LRRC4C: variants seen among roughly 807,000 people sequenced by gnomAD.
The protein encoded by LRRC4C is leucine rich repeat containing 4C, also known as leucine-rich repeat-containing protein 4C.
LRRC4C carries 5 observed loss-of-function variants against 33.6 expected under a neutral mutation model. That is an observed-to-expected ratio of 0.15 (90% CI 0.08 to 0.31). LRRC4C has a LOEUF of 0.31. LRRC4C is among the 10% of genes least tolerant of loss of function. The probability of loss-of-function intolerance (pLI) is 1.00; values close to 1 mark genes in which losing one functional copy is unlikely to be tolerated. For synonymous variants in LRRC4C, 329 were observed against 302.0 expected (o/e 1.09, Z -0.93); for missense variants, 560 against 796.7 (o/e 0.70, Z 3.58).
At chr11:40,515,908 T>A (rs529358552) in intron 3 of LRRC4C, among the ~76,000 whole-genome samples, 2 of 152,160 alleles carry the variant, frequency 1.3e-5, no homozygotes, top group East Asian at 3.9e-4. Flanking sequence ...TTTGTTCATG[T>A]GATTGATTAA....
chr11:41,441,980 T>C (rs1955634329), intron 1 of LRRC4C, among the ~76,000 whole-genome samples: 1 of 152,218 alleles, frequency 6.6e-6, no homozygotes, highest in Admixed American at 6.5e-5. Flanking sequence ...TATTTCAGTA[T>C]ATTACTATTC....
chr11:41,227,056 G>A (rs1414827164), intron 1 of LRRC4C, among the ~76,000 whole-genome samples: 1 of 151,858 alleles, frequency 6.6e-6, no homozygotes, highest in Non-Finnish European at 1.5e-5. Flanking sequence ...AACATTTAAA[G>A]ATAATGGGCA....
At chr11:40,486,305 C>T (rs947918598) in intron 3 of LRRC4C, among the ~76,000 whole-genome samples, 1 of 151,744 alleles carries the variant, frequency 6.6e-6, no homozygotes, top group African/African-American at 2.4e-5. Flanking sequence ...GCCTTTAGTC[C>T]AAACTTATAG....
At chr11:40,602,337 T>C (rs1033322928) in intron 3 of LRRC4C, among the ~76,000 whole-genome samples, 2 of 152,176 alleles carry the variant, frequency 1.3e-5, no homozygotes, top group Non-Finnish European at 1.5e-5. Context: ...ATAAACTCAT[T>C]TGAAGTCCTA....
At chr11:41,229,185 C>G (rs551951193) in intron 1 of LRRC4C, among the ~76,000 whole-genome samples, 8 of 152,054 alleles carry the variant, frequency 5.3e-5, no homozygotes, top group African/African-American at 1.4e-4. Context: ...ATTTGGAGAT[C>G]AGGTCACTGG....
intron 1 of LRRC4C, among the ~76,000 whole-genome samples, chr11:41,146,778 T>C (rs952314239): frequency 2.6e-5 from 4 of 152,194 alleles, no homozygotes; most frequent in Non-Finnish European, 5.9e-5. Context: ...AATAAAAAAA[T>C]ACATAGCCAG....
At chr11:41,284,264 C>T (rs1949755763) in intron 1 of LRRC4C, among the ~76,000 whole-genome samples, 1 of 152,184 alleles carries the variant, frequency 6.6e-6, no homozygotes, top group Non-Finnish European at 1.5e-5. Context: ...ATAGAGACTG[C>T]TATAACTATG....
rs112015924 is a variant in LRRC4C, at chr11:40,135,967, A to C, written c.-43+4834T>G. Among the ~76,000 whole-genome samples, 723 of 152,324 alleles carry C rather than the reference A, an allele frequency of 4.7e-3. 11 individuals carry two copies. The highest frequency in any genetic ancestry group is 0.017 in the African/African-American group (699 of 41,570). On this transcript the variant is annotated intron_variant, in intron 6 of 6. Coordinates refer to ENST00000528697, the MANE Select transcript of LRRC4C (RefSeq NM_001258419.2). The stretch of plus-strand genomic sequence containing the variant: ...TCCTCAATCCCATTTTTTAAGCTGC[A>C]CCTGACATGTGAGCAGAACTAGAAG...
intron 1 of LRRC4C, among the ~76,000 whole-genome samples, chr11:41,385,460 TA>T (rs575387756): frequency 9.3e-4 from 140 of 150,460 alleles, no homozygotes; most frequent in East Asian, 9.2e-3. Flanking sequence ...ATGTTAATAG[TA>T]AAAAAAAACT....
intron 1 of LRRC4C, among the ~76,000 whole-genome samples, chr11:41,126,981 T>C (rs1263767328): frequency 6.6e-6 from 1 of 152,182 alleles, no homozygotes. Flanking sequence ...TAGTTTGTCA[T>C]GCAACAATAG....
At chr11:40,293,360 G>C (rs1297345599) in intron 4 of LRRC4C, 1 of 149,782 alleles carries the variant, frequency 6.7e-6, no homozygotes, top group African/African-American at 2.5e-5. Flanking sequence ...CCCAGCACCC[G>C]GTCCAGATCC....
At chr11:41,108,323 C>T (rs569261918) in intron 1 of LRRC4C, among the ~76,000 whole-genome samples, 1 of 152,186 alleles carries the variant, frequency 6.6e-6, no homozygotes, top group South Asian at 2.1e-4. Flanking sequence ...TTTATATAAT[C>T]CATTCTCTCA....
chr11:40,500,291 TATACACACAC>T lies in LRRC4C; in HGVS notation c.-270+147841_-270+147850del, dbSNP rs1273852615. Among the ~76,000 whole-genome samples, 433 of 62,754 alleles carry T rather than the reference TATACACACAC, an allele frequency of 6.9e-3. 1 individual carries two copies. The highest frequency in any genetic ancestry group is 0.012 in the African/African-American group (198 of 17,080). 41.2% of individuals were successfully genotyped at this position (62,754 alleles called of 152,430 possible). A position where few individuals can be genotyped will look rare whatever the true frequency, so the allele number is the denominator to read the frequency against. ...TGTCTGATATATATATATATATATA[TATACACACAC>T]ACACACACACACACACACACACACA... is the stretch of plus-strand genomic sequence containing the variant. On this transcript the variant is annotated intron_variant, in intron 3 of 6. Coordinates refer to ENST00000528697, the MANE Select transcript of LRRC4C (RefSeq NM_001258419.2).
intron 2 of LRRC4C, among the ~76,000 whole-genome samples, chr11:40,770,809 C>A (rs1282625470): frequency 1.3e-5 from 2 of 152,164 alleles, no homozygotes; most frequent in East Asian, 3.9e-4. Context: ...TCCAAACTGA[C>A]CTCCTTTGAC....
At chr11:40,731,178 G>A (rs1418776639) in intron 2 of LRRC4C, among the ~76,000 whole-genome samples, 1 of 151,824 alleles carries the variant, frequency 6.6e-6, no homozygotes, top group African/African-American at 2.4e-5. Context: ...AATTAGCCGG[G>A]CGTGGTGGCA....
intron 4 of LRRC4C, among the ~76,000 whole-genome samples, chr11:40,304,425 T>C (rs1244513514): frequency 6.6e-6 from 1 of 152,190 alleles, no homozygotes; most frequent in Non-Finnish European, 1.5e-5. Flanking sequence ...ACTGATTGAC[T>C]GAAGTGTCAA....
At chr11:41,268,453 T>C (rs1455855612) in intron 1 of LRRC4C, among the ~76,000 whole-genome samples, 18 of 152,166 alleles carry the variant, frequency 1.2e-4, no homozygotes, top group Non-Finnish European at 4.4e-5. Context: ...TTATAGGTAC[T>C]AATAAAATAC....
intron 5 of LRRC4C, among the ~76,000 whole-genome samples, chr11:40,192,720 C>T (rs757232545): frequency 4.6e-5 from 7 of 152,154 alleles, no homozygotes; most frequent in Non-Finnish European, 2.9e-5. Flanking sequence ...TTCTCGCTGC[C>T]AGCACAGCAG....
chr11:40,226,928 T>A (rs1366917108), intron 5 of LRRC4C, among the ~76,000 whole-genome samples: 1 of 152,090 alleles, frequency 6.6e-6, no homozygotes, highest in Admixed American at 6.5e-5. Flanking sequence ...TTACAAAGAG[T>A]CTTTTATCTC....
Sources: allele counts gnomAD v4.1 joint callset (sites outside exome capture counted in the v4.1 genomes callset), GRCh38; gene constraint gnomAD v4.1.1; transcripts MANE v1.5; gene names NCBI Gene and HGNC (gene_info 2026-07-23, HGNC 2026-07-21).